Variants in PRELID2 observed in about 807,000 individuals in gnomAD.
PRELID2 encodes the protein PRELI domain containing 2.
A neutral mutation model predicts 28.4 loss-of-function variants in PRELID2; 25 were observed. The observed-to-expected ratio is 0.88, with a 90% CI of 0.64 to 1.23. The LOEUF is 1.23. Ranked by LOEUF, PRELID2 falls within the 50% of genes most tolerant of loss-of-function variation. PRELID2 has a pLI of 0.00. For synonymous variants in PRELID2, 76 were observed against 71.6 expected (o/e 1.06, Z -0.31); for missense variants, 201 against 214.4 (o/e 0.94, Z 0.39).
chr5:145,833,697 C>G (rs1755752858), intron 1 of PRELID2, among the ~76,000 whole-genome samples: 1 of 152,202 alleles, frequency 6.6e-6, no homozygotes, highest in South Asian at 2.1e-4. Flanking sequence ...CGTGTCACCT[C>G]CTCTAACGGA....
chr5:145,777,294 C>T (rs1046641735), intron 5 of PRELID2, among the ~76,000 whole-genome samples: 7 of 152,152 alleles, frequency 4.6e-5, no homozygotes, highest in African/African-American at 1.7e-4. Context: ...CCTTGAACTC[C>T]TGGGCTCAGG....
In PRELID2 at chr5:145,831,356, C is replaced by A. The variant is rs79457640; in HGVS notation, c.75+3821G>T. 6.2e-4 allele frequency among the ~76,000 whole-genome samples: 94 copies of A among 152,328 alleles called. 1 individual carries two copies. The East Asian group carries it at 0.016, about 27-fold the overall frequency. ...ACTTTTTCTAATTTGCATAAATAGT[C>A]TCATTTGCTTTCCCCTAGCCCTATG... On this transcript the variant is annotated intron_variant, in intron 1 of 6. Coordinates refer to ENST00000683046, the MANE Select transcript of PRELID2 (RefSeq NM_205846.3).
chr5:145,798,258 C>T (rs1752895266), intron 4 of PRELID2, among the ~76,000 whole-genome samples: 1 of 152,094 alleles, frequency 6.6e-6, no homozygotes, highest in South Asian at 2.1e-4. Flanking sequence ...AGATCATTAT[C>T]CACATTACGG....
intron 1 of PRELID2, among the ~76,000 whole-genome samples, chr5:145,732,824 G>A (rs978601461): frequency 6.6e-6 from 1 of 152,112 alleles, no homozygotes; most frequent in African/African-American, 2.4e-5. Flanking sequence ...GATAGCACAG[G>A]GGTAGGAGTG....
At chr5:145,292,709 TTTTAC>T in the PRELID2 span, among the ~76,000 whole-genome samples, 12 of 152,016 alleles carry the variant, frequency 7.9e-5, no homozygotes, top group African/African-American at 2.9e-4. Context: ...TTTCCCACAC[TTTTAC>T]TTTATTTTTA....
intron 1 of PRELID2, among the ~76,000 whole-genome samples, chr5:145,526,969 A>T (rs912469768): frequency 6.6e-6 from 1 of 152,234 alleles, no homozygotes; most frequent in African/African-American, 2.4e-5. Flanking sequence ...ACCATTTAAT[A>T]CTGAACAATG....
At chr5:145,319,684 TAAA>T in the PRELID2 span, among the ~76,000 whole-genome samples, 1 of 5,136 alleles carries the variant, frequency 1.9e-4, no homozygotes, top group Non-Finnish European at 3.0e-4. Context: ...ATCTCAAAAA[TAAA>T]TAAATAAATA....
chr5:145,281,793 T>C, the PRELID2 span, among the ~76,000 whole-genome samples: 1 of 152,188 alleles, frequency 6.6e-6, no homozygotes, highest in Non-Finnish European at 1.5e-5. Context: ...GCATCCAAAT[T>C]AGAATTGTAT....
At chr5:145,504,270 G>T (rs546473040) in intron 1 of PRELID2, among the ~76,000 whole-genome samples, 715 of 152,238 alleles carry the variant, frequency 4.7e-3, no homozygotes, top group Non-Finnish European at 6.9e-3. Flanking sequence ...TAAAATGGAG[G>T]TAATAGAACC....
chr5:145,503,162 C>T (rs1269185834), intron 1 of PRELID2, among the ~76,000 whole-genome samples: 1 of 152,122 alleles, frequency 6.6e-6, no homozygotes, highest in Admixed American at 6.6e-5. Context: ...CAGAACCTAA[C>T]TCTCCCATCC....
intron 1 of PRELID2, among the ~76,000 whole-genome samples, chr5:145,744,839 G>A (rs1023454029): frequency 1.1e-4 from 17 of 151,964 alleles, no homozygotes; most frequent in Admixed American, 9.2e-4. Flanking sequence ...CAGCAAGGGT[G>A]CATAATTGGA....
the PRELID2 span, among the ~76,000 whole-genome samples, chr5:145,456,409 A>C: frequency 6.6e-6 from 1 of 152,090 alleles, no homozygotes; most frequent in East Asian, 1.9e-4. Flanking sequence ...CACACTTTAG[A>C]GCCTCTGGAT....
chr5:145,693,399 C>T (rs112780649), intron 1 of PRELID2, among the ~76,000 whole-genome samples: 3,891 of 151,908 alleles, frequency 0.026, 181 homozygotes, highest in African/African-American at 0.088. Flanking sequence ...CCACCTGCCT[C>T]GGCCTCCCAA....
chr5:145,245,745 GT>G, the PRELID2 span, among the ~76,000 whole-genome samples: 1 of 152,020 alleles, frequency 6.6e-6, no homozygotes, highest in Non-Finnish European at 1.5e-5. Flanking sequence ...AACAGCACAG[GT>G]TTTGGAATGA....
At chr5:145,686,848 A>T (rs945105709) in intron 1 of PRELID2, among the ~76,000 whole-genome samples, 2 of 152,098 alleles carry the variant, frequency 1.3e-5, no homozygotes, top group Non-Finnish European at 2.9e-5. Flanking sequence ...CAAATAAAAA[A>T]TTTTTTCTTT....
chr5:145,628,987 G>A (rs1205169874), intron 1 of PRELID2, among the ~76,000 whole-genome samples: 1 of 152,182 alleles, frequency 6.6e-6, no homozygotes, highest in Non-Finnish European at 1.5e-5. Flanking sequence ...CAAGGAAGGT[G>A]GTTTGAAAAT....
the PRELID2 span, among the ~76,000 whole-genome samples, chr5:145,422,285 C>T: frequency 6.6e-6 from 1 of 150,978 alleles, no homozygotes; most frequent in Non-Finnish European, 1.5e-5. Context: ...TCCTGGGTAT[C>T]CTTCTTGACT....
intron 1 of PRELID2, among the ~76,000 whole-genome samples, chr5:145,630,809 TACATAAAACTCCTGGCA>T (rs1753922863): frequency 6.6e-6 from 1 of 152,224 alleles, no homozygotes; most frequent in South Asian, 2.1e-4. Context: ...GGTCAACATA[TACATAAAACTCCTGGCA>T]TTCTCATTAT....
the PRELID2 span, among the ~76,000 whole-genome samples, chr5:145,386,383 T>C: frequency 3.9e-4 from 60 of 152,212 alleles, 1 homozygote; most frequent in African/African-American, 1.4e-3. Flanking sequence ...AGCCAAATCA[T>C]ATCAGGGGCA....
Sources: allele counts gnomAD v4.1 joint callset (sites outside exome capture counted in the v4.1 genomes callset), GRCh38; gene constraint gnomAD v4.1.1; transcripts MANE v1.5; gene names NCBI Gene and HGNC (gene_info 2026-07-23, HGNC 2026-07-21).